ICA1L: variants seen among roughly 807,000 people sequenced by gnomAD.
The protein encoded by ICA1L is islet cell autoantigen 1 like.
ICA1L carries 50 observed loss-of-function variants against 61.3 expected under a neutral mutation model. The ratio of observed to expected loss-of-function variants is 0.82; its 90% CI spans 0.65 to 1.03. ICA1L has a LOEUF of 1.03. ICA1L is among the 50% of genes least tolerant of loss of function. The pLI is 0.00. For missense variants in ICA1L, 508 were observed against 556.7 expected, an observed-to-expected ratio of 0.91 and a Z score of 0.88; for synonymous variants, 161 against 191.3, an observed-to-expected ratio of 0.84 and a Z score of 1.31.
At chr2:202,841,693 C>T (rs991501314) in intron 1 of ICA1L, 30 of 533,780 alleles carry the variant, frequency 5.6e-5, no homozygotes, top group East Asian at 3.5e-4. Context: ...CGGGCCCACG[C>T]GCATAGGAGC....
chr2:202,833,212 A>C (rs2105863949), intron 1 of ICA1L, among the ~76,000 whole-genome samples: 1 of 152,292 alleles, frequency 6.6e-6, no homozygotes, highest in South Asian at 2.1e-4. Flanking sequence ...GACTAAATGG[A>C]AGGATATATT....
Position 202,796,930 on chromosome 2 carries a change from C to A in ICA1L, c.945G>T (p.Met315Ile), listed in dbSNP as rs773095576. 1.2e-6 allele frequency: 2 copies of A among 1,602,766 alleles called. No individual in the cohort carries two copies. The highest frequency in any genetic ancestry group is 1.7e-6 in the Non-Finnish European group (2 of 1,175,620). The stretch of plus-strand genomic sequence containing the variant: ...AAAACTGAGGTGCTCCAAATTCTCT[C>A]ATTTGAGAATGTTTTTCATTGTGAT... ...NKDHNEKHSQ[M>I]REFGAPQFSN... The change falls in exon 10 of 13, where the codon ATG becomes ATT. Residue 315 changes from methionine (M) to isoleucine (I), a missense_variant. Physicochemically the swap from Met to Ile is conservative, Grantham distance 10 (BLOSUM62 1). Coordinates refer to ENST00000358299, the MANE Select transcript of ICA1L (RefSeq NM_001288622.3).
Position 202,862,500 on chromosome 2 carries a change from T to C in ICA1L, c.-8+9119A>G, listed in dbSNP as rs547996901. On this transcript the variant is annotated intron_variant, in intron 1 of 12. Coordinates refer to ENST00000358299, the MANE Select transcript of ICA1L (RefSeq NM_001288622.3). ...AGTTTTAAACAGGAATCAATATCAA[T>C]TGGATATCTAGAAAATTCCCAAATA... 1.3e-3 allele frequency among the ~76,000 whole-genome samples: 199 copies of C among 152,126 alleles called. 1 individual carries two copies. Among genetic ancestry groups the C allele is most frequent in the African/African-American group, 4.3e-3 (179 of 41,512 alleles).
At chr2:202,790,983 A>T (rs995520568) in intron 10 of ICA1L, among the ~76,000 whole-genome samples, 1 of 152,198 alleles carries the variant, frequency 6.6e-6, no homozygotes, top group Non-Finnish European at 1.5e-5. Flanking sequence ...TTTGTAACAG[A>T]GTGTAGAGAA....
chr2:202,812,352 G>A (rs1693400039), intron 8 of ICA1L, among the ~76,000 whole-genome samples: 1 of 152,222 alleles, frequency 6.6e-6, no homozygotes, highest in Non-Finnish European at 1.5e-5. Flanking sequence ...GCTGAGACAG[G>A]CGGATCACGA....
At chr2:202,829,968 A>G (rs1046989508) in intron 1 of ICA1L, among the ~76,000 whole-genome samples, 2 of 152,250 alleles carry the variant, frequency 1.3e-5, no homozygotes, top group Non-Finnish European at 2.9e-5. Context: ...CAAAGATTCC[A>G]ACACATACTC....
chr2:202,861,757 T>C (rs909807512), intron 1 of ICA1L, among the ~76,000 whole-genome samples: 5 of 151,260 alleles, frequency 3.3e-5, no homozygotes, highest in Non-Finnish European at 5.9e-5. Context: ...TGGTGGCACA[T>C]GCCTATAATC....
At chr2:202,784,627 A>G (rs973708511) in intron 12 of ICA1L, among the ~76,000 whole-genome samples, 6 of 152,178 alleles carry the variant, frequency 3.9e-5, no homozygotes, top group South Asian at 2.1e-4. Flanking sequence ...TGTCAAACAG[A>G]GTATTATTCA....
At position 202,803,063 on chromosome 2, in the gene ICA1L, T is replaced by TA. The variant is rs200521178; in HGVS notation, c.911-6100dup. On this transcript the variant is annotated intron_variant, in intron 9 of 12. Transcript: ENST00000358299. Reference sequence around the variant, plus strand: ...AATGAGAAGTTGACATACTGGGCTTTAAAAAAAAAATCCAACTAAACCTTG... The same window carrying TA: ...AATGAGAAGTTGACATACTGGGCTTTAAAAAAAAAAATCCAACTAAACCTTG... Among the ~76,000 whole-genome samples the TA allele has an allele frequency of 1.3e-4, 20 of 149,678 alleles. No individual in the cohort carries two copies. In the East Asian group the frequency reaches 1.8e-3, roughly 13 times the overall value.
chr2:202,795,073 C>CTTTTTTT (rs59752090), intron 10 of ICA1L, among the ~76,000 whole-genome samples: 10 of 97,070 alleles, frequency 1.0e-4, no homozygotes, highest in East Asian at 3.1e-4. Flanking sequence ...GTTTCCTTTT[C>CTTTTTTT]TTTTTTTTTT....
At chr2:202,850,466 C>A (rs1019269475) in intron 1 of ICA1L, among the ~76,000 whole-genome samples, 3 of 152,114 alleles carry the variant, frequency 2.0e-5, no homozygotes, top group Non-Finnish European at 2.9e-5. Context: ...AGCTGAAAAA[C>A]ACAGCAAGAG....
intron 1 of ICA1L, among the ~76,000 whole-genome samples, chr2:202,869,135 G>A (rs865978935): frequency 5.9e-5 from 9 of 151,966 alleles, no homozygotes; most frequent in East Asian, 3.9e-4. Context: ...TGAGGCGGGC[G>A]GATCACGAGG....
In ICA1L at chr2:202,821,447, A is replaced by G. The variant is rs778980168; in HGVS notation, c.270T>C (p.Phe90=). Reference sequence around the variant, plus strand: ...CATCCCGTTCTGCTTGAAATTTTAAAAAGAGCCCTAGCTCATTTTCTTCCT... The same window carrying G: ...CATCCCGTTCTGCTTGAAATTTTAAGAAGAGCCCTAGCTCATTTTCTTCCT... ...ISEEENELGL[F]LKFQAERDAT... is the part of the protein sequence containing the mutation. The change falls in exon 4 of 13, where the codon TTT becomes TTC. Residue 90 remains phenylalanine (F), a synonymous_variant. Transcript: ENST00000358299. 6.2e-7 allele frequency: 1 copy of G among 1,612,838 alleles called. No homozygotes were observed. The highest frequency in any genetic ancestry group is 2.2e-5 in the East Asian group (1 of 44,794).
intron 1 of ICA1L, among the ~76,000 whole-genome samples, chr2:202,851,674 T>C (rs970225209): frequency 6.6e-6 from 1 of 152,182 alleles, no homozygotes. Flanking sequence ...CAGCACCTGT[T>C]GTTTCCTGAG....
chr2:202,794,655 A>C (rs748791145), intron 10 of ICA1L, among the ~76,000 whole-genome samples: 3 of 152,238 alleles, frequency 2.0e-5, no homozygotes, highest in Non-Finnish European at 4.4e-5. Flanking sequence ...ATACCAGGAT[A>C]TAAAACTAAC....
intron 9 of ICA1L, among the ~76,000 whole-genome samples, chr2:202,798,364 A>T (rs1692995709): frequency 6.6e-6 from 1 of 152,076 alleles, no homozygotes; most frequent in Admixed American, 6.6e-5. Flanking sequence ...GACTCATCCC[A>T]AGTAGCTGGG....
At chr2:202,802,257 C>G (rs1330401970) in intron 9 of ICA1L, among the ~76,000 whole-genome samples, 2 of 151,932 alleles carry the variant, frequency 1.3e-5, no homozygotes, top group Non-Finnish European at 2.9e-5. Flanking sequence ...AAGAACTTAC[C>G]TAGAATGTAC....
intron 1 of ICA1L, among the ~76,000 whole-genome samples, chr2:202,852,896 T>C (rs1285740020): frequency 6.6e-6 from 1 of 150,712 alleles, no homozygotes; most frequent in East Asian, 2.0e-4. Flanking sequence ...CCCTCAGAAA[T>C]AATACCACAC....
At chr2:202,862,021 G>A (rs1574388226) in intron 1 of ICA1L, among the ~76,000 whole-genome samples, 1 of 139,110 alleles carries the variant, frequency 7.2e-6, no homozygotes, top group African/African-American at 2.7e-5. Context: ...ACCAAGAGCA[G>A]AATACATTAT....
Sources: allele counts gnomAD v4.1 joint callset (sites outside exome capture counted in the v4.1 genomes callset), GRCh38; gene constraint gnomAD v4.1.1; transcripts MANE v1.5; gene names NCBI Gene and HGNC (gene_info 2026-07-23, HGNC 2026-07-21).